The following CARF variants were observed in gnomAD, a reference collection of about 807,000 sequenced individuals.
CARF encodes the protein calcium-responsive transcription factor.
Under a neutral mutation model 82.0 loss-of-function variants are expected in CARF, and 57 were observed. The ratio of observed to expected loss-of-function variants is 0.70; its 90% CI spans 0.56 to 0.87. The LOEUF (loss-of-function observed/expected upper bound fraction) is 0.87. Ranked by LOEUF, CARF falls within the 40% of genes least tolerant of loss-of-function variation. The probability of loss-of-function intolerance (pLI) is 0.00; values close to 1 mark genes in which losing one functional copy is unlikely to be tolerated. For synonymous variants in CARF, 268 were observed against 290.1 expected, an observed-to-expected ratio of 0.92 and a Z score of 0.77; for missense variants, 771 against 855.8, an observed-to-expected ratio of 0.90 and a Z score of 1.24.
At chr2:202,974,061 C>G (rs954036157) in intron 12 of CARF, among the ~76,000 whole-genome samples, 2 of 152,166 alleles carry the variant, frequency 1.3e-5, no homozygotes, top group Admixed American at 1.3e-4. Flanking sequence ...GCACTCCAGC[C>G]TGGGCGACAG....
Position 202,971,511 on chromosome 2 carries a change from T to G in CARF, c.1104T>G (p.Tyr368Ter), listed in dbSNP as rs754059797. 1.5e-5 allele frequency: 24 copies of G among 1,595,774 alleles called. No individual in the cohort carries two copies. The highest frequency in any genetic ancestry group is 2.1e-5 in the Non-Finnish European group (24 of 1,165,970). The change falls in exon 12 of 17, where the codon TAT becomes TAG. Residue 368 changes from tyrosine (Y) to a stop codon, truncating the protein, a stop_gained. Coordinates refer to ENST00000438828, the MANE Select transcript of CARF (RefSeq NM_024744.17). LOFTEE classifies it high-confidence loss of function. ...LVDAGGVLRW[Y>*]VQLPTQQAHQ... ...AAATATTTTCTCTTACCAGGTGGTA[T>G]GTACAGTTACCTACACAGCAAGCTC...
rs1321245924 is a variant in CARF at position 202,942,882 on chromosome 2, C to T, written c.221C>T (p.Ser74Phe). ...CCCCTGACTCAGACACAGACTCTTT[C>T]TGCAGAGCAATTCCATCTAGTGGAC... The part of the protein sequence containing the change: ...PGPLTQTQTL[S>F]AEQFHLVDQN... The change falls in exon 5 of 17, where the codon TCT becomes TTT. Residue 74 changes from serine (S) to phenylalanine (F), a missense_variant. Ser to Phe is a radical substitution (Grantham distance 155). Coordinates refer to ENST00000438828, the MANE Select transcript of CARF (RefSeq NM_024744.17). 6.2e-7 allele frequency: 1 copy of T among 1,614,140 alleles called. No individual in the cohort carries two copies. The highest frequency in any genetic ancestry group is 8.5e-7 in the Non-Finnish European group (1 of 1,180,014).
In CARF at chr2:202,982,397, T is replaced by C; in HGVS notation, c.2015T>C (p.Val672Ala). The stretch of plus-strand genomic sequence containing the variant: ...GTTCATCGGATTCTGTTGGGAGATG[T>C]GCAGACTATTCCAATACAGATTATA... ...GTVHRILLGD[V>A]QTIPIQIIDN... The change falls in exon 16 of 17, where the codon GTG (valine) becomes GCG (alanine). Residue 672 changes from valine (V) to alanine (A), a missense_variant. Physicochemically the swap from Val to Ala is moderately conservative, Grantham distance 64. Transcript: ENST00000438828. 6.2e-7 allele frequency: 1 copy of C among 1,614,120 alleles called. No homozygotes were observed. Among genetic ancestry groups the C allele is most frequent in the Non-Finnish European group, 8.5e-7 (1 of 1,179,984 alleles).
rs1240126723 is a variant in CARF, at chr2:202,982,310, T to C, written c.1928T>C (p.Val643Ala). 6.2e-7 allele frequency: 1 copy of C among 1,614,166 alleles called. No homozygotes were observed. Among genetic ancestry groups the C allele is most frequent in the Admixed American group, 1.7e-5 (1 of 60,020 alleles). The change falls in exon 16 of 17, where the codon GTT becomes GCT. Residue 643 changes from valine (V) to alanine (A), a missense_variant. By Grantham distance (64) the Val-to-Ala change is moderately conservative. Transcript: ENST00000438828. Reference sequence around the variant, plus strand: ...CTTCCAGAACCAGATCAAAATCTAGTTGCAATGGACGAGCTGGTAGAAGTT... The same window carrying C: ...CTTCCAGAACCAGATCAAAATCTAGCTGCAATGGACGAGCTGGTAGAAGTT... Reference protein sequence around the residue: ...GNLPEPDQNLVAMDELVEVGD... With the variant: ...GNLPEPDQNLAAMDELVEVGD...
At position 202,982,143 on chromosome 2, in the gene CARF, G is replaced by C; in HGVS notation, c.1761G>C (p.Pro587=). Reference sequence around the variant, plus strand: ...CTGTGGTATCAGTAAATAACCAGCCGTCCTCTAGTCCTTCAGGACTTCTGG... The same window carrying C: ...CTGTGGTATCAGTAAATAACCAGCCCTCCTCTAGTCCTTCAGGACTTCTGG... ...SPAVVSVNNQ[P]SSSPSGLLDT... The change falls in exon 16 of 17, where the codon CCG becomes CCC. Residue 587 remains proline, a synonymous_variant. Coordinates refer to ENST00000438828, the MANE Select transcript of CARF (RefSeq NM_024744.17). The C allele has an allele frequency of 6.2e-7, 1 of 1,614,080 alleles. No homozygotes were observed. Among genetic ancestry groups the C allele is most frequent in the Non-Finnish European group, 8.5e-7 (1 of 1,179,960 alleles).
intron 9 of CARF, chr2:202,962,946 GT>G (rs1293100944): frequency 6.6e-6 from 1 of 151,576 alleles, no homozygotes; most frequent in Non-Finnish European, 1.5e-5. Flanking sequence ...GCTGTAATTA[GT>G]TTTTCTAGAG....
At chr2:202,917,221 A>AG (rs1689883393) in intron 1 of CARF, among the ~76,000 whole-genome samples, 1 of 149,564 alleles carries the variant, frequency 6.7e-6, no homozygotes, top group South Asian at 2.1e-4. Flanking sequence ...AAAAAAAAAA[A>AG]AAAAAAAAAA....
At chr2:202,974,292 C>T in intron 12 of CARF, 42 bp from the exon 13 acceptor site, 1 of 1,463,106 alleles carries the variant, frequency 6.8e-7, no homozygotes, top group Non-Finnish European at 9.1e-7. Context: ...AGGCATATTG[C>T]TAAATGGTTT....
At chr2:202,966,622 A>G (rs1334103771) in intron 9 of CARF, among the ~76,000 whole-genome samples, 1 of 152,070 alleles carries the variant, frequency 6.6e-6, no homozygotes, top group East Asian at 1.9e-4. Context: ...AGGCAGGAGA[A>G]CTGCTTGAAC....
intron 1 of CARF, among the ~76,000 whole-genome samples, chr2:202,913,312 C>G (rs1436600297): frequency 6.6e-6 from 1 of 152,116 alleles, no homozygotes; most frequent in Non-Finnish European, 1.5e-5. Flanking sequence ...TTTGTAGCTC[C>G]GAATCCGGGC....
Position 202,949,839 on chromosome 2 carries a change from C to T in CARF, c.307-2720C>T, listed in dbSNP as rs1441078888. The stretch of plus-strand genomic sequence containing the variant: ...TGCTGGGATTACAGGCGTGAGCCAT[C>T]GTGCCTGGCCCAATATGACTTTTTA... On this transcript the variant is annotated intron_variant, in intron 5 of 16. Coordinates refer to ENST00000438828, the MANE Select transcript of CARF (RefSeq NM_024744.17). Among the ~76,000 whole-genome samples, 9 of 152,054 alleles carry T rather than the reference C, an allele frequency of 5.9e-5. No homozygotes were observed. In the South Asian group the frequency reaches 8.3e-4, roughly 14 times the overall value.
intron 5 of CARF, among the ~76,000 whole-genome samples, chr2:202,949,875 A>G (rs2058681168): frequency 6.6e-6 from 1 of 152,158 alleles, no homozygotes; most frequent in Non-Finnish European, 1.5e-5. Flanking sequence ...TATAAAAGTT[A>G]TTAGTAAAGA....
Position 202,981,679 on chromosome 2 carries a change from A to G in CARF, c.1683A>G (p.Gln561=), listed in dbSNP as rs375193207. ...CATTTCAGCCCAAAATATTTACACA[A>G]CTACAGGTAGGTATCCAGTAAAATA... is the stretch of plus-strand genomic sequence containing the variant. ...LSSFQPKIFT[Q]LQGLQLQPRY... The change falls in exon 15 of 17, where the codon CAA becomes CAG. Residue 561 remains glutamine, a synonymous_variant. Coordinates refer to ENST00000438828, the MANE Select transcript of CARF (RefSeq NM_024744.17). 14 of 1,610,662 alleles carry G rather than the reference A, an allele frequency of 8.7e-6. No homozygotes were observed. The highest frequency in any genetic ancestry group is 1.0e-5 in the Non-Finnish European group (12 of 1,178,368).
At chr2:202,934,634 G>T (rs1315994143) in intron 3 of CARF, 1 of 152,122 alleles carries the variant, frequency 6.6e-6, no homozygotes, top group Admixed American at 6.6e-5. Context: ...TTTTTTGTGT[G>T]TGTAGAGACA....
intron 14 of CARF, among the ~76,000 whole-genome samples, chr2:202,978,256 C>T (rs2060113779): frequency 6.6e-6 from 1 of 152,092 alleles, no homozygotes; most frequent in African/African-American, 2.4e-5. Flanking sequence ...AAAGGACTTA[C>T]TAGATTTGTA....
intron 3 of CARF, chr2:202,925,586 A>G (rs1405691498): frequency 8.3e-6 from 2 of 242,226 alleles, no homozygotes; most frequent in Non-Finnish European, 1.6e-5. Context: ...GATGAACCAG[A>G]ACATCAGCTT....
intron 12 of CARF, among the ~76,000 whole-genome samples, chr2:202,972,785 T>A (rs2059852264): frequency 6.6e-6 from 1 of 151,968 alleles, no homozygotes. Context: ...TCTTACTGAT[T>A]ATTGTGTAAT....
At position 202,985,744 on chromosome 2, in the gene CARF, G is replaced by T. The variant is rs1351825; in HGVS notation, c.*2120G>T. The T allele has an allele frequency of 7.2e-5, 11 of 152,078 alleles. No homozygotes were observed. The highest frequency in any genetic ancestry group is 1.6e-4 in the Non-Finnish European group (11 of 67,986). The allele number at this position is 152,078 out of a possible 1,614,324, so 9.4% of individuals were successfully genotyped here. A position where few individuals can be genotyped will look rare whatever the true frequency, so the allele number is the denominator to read the frequency against. ...AAGATTCTAAATAATAAATCGTTAC[G>T]TCTCAATAGTGGTAATAGTGGTAAT... On this transcript the variant is annotated 3_prime_UTR_variant, in exon 17 of 17. Coordinates refer to ENST00000438828, the MANE Select transcript of CARF (RefSeq NM_024744.17).
At chr2:202,916,167 TTTA>T (rs1282640095) in intron 1 of CARF, among the ~76,000 whole-genome samples, 10 of 12,132 alleles carry the variant, frequency 8.2e-4, no homozygotes, top group Admixed American at 4.5e-3. Flanking sequence ...CAATATTTTA[TTTA>T]TTTATTTATT....
Sources: allele counts gnomAD v4.1 joint callset (sites outside exome capture counted in the v4.1 genomes callset), GRCh38; gene constraint gnomAD v4.1.1; transcripts MANE v1.5; gene names NCBI Gene and HGNC (gene_info 2026-07-23, HGNC 2026-07-21).